Variants in ASTN2 observed in about 807,000 individuals in gnomAD.
The protein encoded by ASTN2 is astrotactin 2.
Under a neutral mutation model 139.8 loss-of-function variants are expected in ASTN2, and 54 were observed. That is an observed-to-expected ratio of 0.39 (90% CI 0.31 to 0.48). The LOEUF is 0.48. Among genes scored for constraint, ASTN2 ranks in the 20% least tolerant of loss-of-function variants. The pLI, the probability that ASTN2 is intolerant of heterozygous loss-of-function variation, is 0.95. For missense variants in ASTN2, 1,565 were observed against 1,725.1 expected (o/e 0.91, Z 1.64); for synonymous variants, 756 against 719.5 (o/e 1.05, Z -0.81).
At chr9:117,175,856 G>GA (rs542851986) in intron 3 of ASTN2, among the ~76,000 whole-genome samples, 2 of 151,678 alleles carry the variant, frequency 1.3e-5, no homozygotes, top group African/African-American at 2.4e-5. Flanking sequence ...AACTACAAAT[G>GA]AAAAAAACAT....
intron 16 of ASTN2, among the ~76,000 whole-genome samples, chr9:116,656,195 A>G (rs941312172): frequency 2.6e-5 from 4 of 152,192 alleles, no homozygotes; most frequent in African/African-American, 9.7e-5. Flanking sequence ...AATATTTTTA[A>G]TATTTGTTAA....
intron 1 of ASTN2, among the ~76,000 whole-genome samples, chr9:117,365,341 GA>G (rs1829815631): frequency 6.6e-6 from 1 of 150,978 alleles, no homozygotes. Flanking sequence ...AAGAAAGAGA[GA>G]AAAGAAAAGA....
intron 1 of ASTN2, among the ~76,000 whole-genome samples, chr9:117,313,781 C>CA (rs1828050420): frequency 6.6e-6 from 1 of 152,076 alleles, no homozygotes; most frequent in South Asian, 2.1e-4. Flanking sequence ...CACAGTCCTG[C>CA]ATGTGCAAGG....
At chr9:116,817,032 C>A (rs777599716) in intron 12 of ASTN2, among the ~76,000 whole-genome samples, 4 of 151,994 alleles carry the variant, frequency 2.6e-5, no homozygotes. Context: ...CGGTAGCTCA[C>A]GCCTGTAATC....
chr9:116,440,769 G>C lies in ASTN2; in HGVS notation c.3622C>G (p.Leu1208Val), dbSNP rs1446831984. Residue 1208 changes from leucine to valine, a missense_variant, in exon 22 of 23, where the codon CTG becomes GTG. Coordinates refer to ENST00000313400, the MANE Select transcript of ASTN2 (RefSeq NM_001365068.1). ...AEEIADKIYN[L>V]YNGYTSGKEQ... ...TTTCCACTTGTGTACCCATTGTACA[G>C]ATTGTAGATCTTGTCAGCTATTTCT... 1 of 1,613,942 alleles carries C rather than the reference G, an allele frequency of 6.2e-7. No individual in the cohort carries two copies. Among genetic ancestry groups the C allele is most frequent in the Non-Finnish European group, 8.5e-7 (1 of 1,179,872 alleles).
chr9:117,124,424 G>A (rs990788029), intron 4 of ASTN2, among the ~76,000 whole-genome samples: 2 of 151,986 alleles, frequency 1.3e-5, no homozygotes, highest in African/African-American at 2.4e-5. Context: ...ATCTTGATGT[G>A]GCCACATTTT....
chr9:116,862,542 T>C (rs1221314718), intron 11 of ASTN2, among the ~76,000 whole-genome samples: 2 of 152,188 alleles, frequency 1.3e-5, no homozygotes, highest in African/African-American at 4.8e-5. Flanking sequence ...ACTTGTTTGC[T>C]TCATAGACTT....
At chr9:116,475,244 C>T (rs1848941491) in intron 20 of ASTN2, among the ~76,000 whole-genome samples, 1 of 152,192 alleles carries the variant, frequency 6.6e-6, no homozygotes, top group Admixed American at 6.5e-5. Flanking sequence ...TGGTAACCAG[C>T]AGCTGGAACT....
chr9:117,176,006 T>C (rs759800564), intron 3 of ASTN2, among the ~76,000 whole-genome samples: 47 of 151,778 alleles, frequency 3.1e-4, no homozygotes, highest in Non-Finnish European at 5.4e-4. Context: ...TATCAATATT[T>C]ATAAGGAACA....
At chr9:116,573,161 T>C (rs1350699509) in intron 19 of ASTN2, among the ~76,000 whole-genome samples, 10 of 152,180 alleles carry the variant, frequency 6.6e-5, no homozygotes, top group African/African-American at 2.4e-5. Flanking sequence ...AAAGGCACCA[T>C]TTTATGCAAA....
chr9:116,697,837 T>A, intron 16 of ASTN2: 2 of 1,614,200 alleles, frequency 1.2e-6, no homozygotes. Context: ...GAAGAGCAGC[T>A]GCGTCCCAAG....
chr9:116,941,674 T>G (rs1002165489), intron 10 of ASTN2, among the ~76,000 whole-genome samples: 2 of 151,506 alleles, frequency 1.3e-5, no homozygotes, highest in Admixed American at 6.6e-5. Context: ...TGGGCCAGTA[T>G]AGTTGACATA....
At chr9:116,550,635 T>C (rs1358484932) in intron 19 of ASTN2, among the ~76,000 whole-genome samples, 1 of 152,190 alleles carries the variant, frequency 6.6e-6, no homozygotes, top group Non-Finnish European at 1.5e-5. Context: ...GATGTTGTTC[T>C]GCTCTTTTAC....
intron 17 of ASTN2, among the ~76,000 whole-genome samples, chr9:116,636,716 C>T (rs908317619): frequency 1.3e-5 from 2 of 152,090 alleles, no homozygotes; most frequent in African/African-American, 4.8e-5. Context: ...TGTACTTAGA[C>T]ATACTGCAGT....
intron 11 of ASTN2, among the ~76,000 whole-genome samples, chr9:116,857,624 T>C (rs1832774369): frequency 6.6e-6 from 1 of 152,186 alleles, no homozygotes; most frequent in African/African-American, 2.4e-5. Flanking sequence ...CTAGGTTGTA[T>C]TACTACCTCC....
chr9:116,493,191 C>A (rs1250899070), intron 19 of ASTN2, among the ~76,000 whole-genome samples: 2 of 152,110 alleles, frequency 1.3e-5, no homozygotes. Flanking sequence ...TGCATCTGAG[C>A]CCCATGCACC....
chr9:116,548,548 T>C lies in ASTN2; in HGVS notation c.3356-61048A>G, dbSNP rs149245899. 7.5e-3 allele frequency among the ~76,000 whole-genome samples: 1,135 copies of C among 152,168 alleles called. 16 individuals are homozygous for C. The highest frequency in any genetic ancestry group is 0.026 in the African/African-American group (1,095 of 41,510). ...AGTGCCATGGCGTGATCTCAGCTCA[T>C]TGCAACCTCTGCCTCCTGGGTTCAA... On this transcript the variant is annotated intron_variant, in intron 19 of 22. Transcript: ENST00000313400.
At chr9:116,943,866 TTTAAGAAC>T (rs2132473835) in intron 10 of ASTN2, among the ~76,000 whole-genome samples, 1 of 152,348 alleles carries the variant, frequency 6.6e-6, no homozygotes, top group East Asian at 1.9e-4. Context: ...CTTTGTTTGT[TTTAAGAAC>T]TTACTTTAGC....
chr9:116,474,284 G>A (rs565982333), intron 20 of ASTN2, among the ~76,000 whole-genome samples: 1 of 152,296 alleles, frequency 6.6e-6, no homozygotes, highest in East Asian at 1.9e-4. Context: ...GCCTGTCTGG[G>A]TGACCTGGGT....
Sources: allele counts gnomAD v4.1 joint callset (sites outside exome capture counted in the v4.1 genomes callset), GRCh38; gene constraint gnomAD v4.1.1; transcripts MANE v1.5; gene names NCBI Gene and HGNC (gene_info 2026-07-23, HGNC 2026-07-21).